The following ZNF48 variants were observed in gnomAD, a reference collection of about 807,000 sequenced individuals.
The protein encoded by ZNF48 is zinc finger protein 553.
A neutral mutation model predicts 40.0 loss-of-function variants in ZNF48; 20 were observed. The ratio of observed to expected loss-of-function variants is 0.50; its 90% CI spans 0.35 to 0.73. The LOEUF (loss-of-function observed/expected upper bound fraction) is 0.73. ZNF48 is among the 30% of genes least tolerant of loss of function. The pLI is 0.01. For missense variants in ZNF48, 726 were observed against 851.9 expected, an observed-to-expected ratio of 0.85 and a Z score of 1.84; for synonymous variants, 298 against 329.7, an observed-to-expected ratio of 0.90 and a Z score of 1.04.
rs141487920 is a variant in ZNF48 at position 30,382,357 on chromosome 16, C to T, written c.-16+3947C>T. 3 of 1,611,632 alleles carry T rather than the reference C, an allele frequency of 1.9e-6. No homozygotes were observed. Among genetic ancestry groups the T allele is most frequent in the South Asian group, 1.1e-5 (1 of 90,782 alleles). The stretch of plus-strand genomic sequence containing the variant: ...TGGGGAGGGCAGCAAAACCCACGTA[C>T]TCCTTGTCCTATGGATGGGGGTGGA... On this transcript the variant is annotated intron_variant, in intron 1 of 2. Coordinates refer to the ZNF48 transcript ENST00000528032. The surrounding 1 kb of genome is among the most constrained non-coding windows in gnomAD (Gnocchi z 4.8).
chr16:30,383,270 G>A (rs1420509884), intron 1 of ZNF48, among the ~76,000 whole-genome samples: 1 of 152,100 alleles, frequency 6.6e-6, no homozygotes, highest in African/African-American at 2.4e-5. Context: ...CTCACTGCAA[G>A]CTCCACCTCC....
chr16:30,395,790 C>A lies in ZNF48; in HGVS notation c.-5C>A. The A allele has an allele frequency of 6.5e-7, 1 of 1,538,764 alleles. No individual in the cohort carries two copies. Among genetic ancestry groups the A allele is most frequent in the Non-Finnish European group, 8.7e-7 (1 of 1,145,444 alleles). On this transcript the variant is annotated 5_prime_UTR_variant, in exon 2 of 3. Transcript: ENST00000613509. The surrounding 1 kb of genome is among the most constrained non-coding windows in gnomAD (Gnocchi z 5.9). ...TGTCCCCTTGCTCAGGGCGGCGTGC[C>A]GGCGATGGAGCGCGCGGTAGAGCCT...
At chr16:30,396,250 T>C (rs1439943460) in intron 2 of ZNF48, among the ~76,000 whole-genome samples, 1 of 152,080 alleles carries the variant, frequency 6.6e-6, no homozygotes, top group Non-Finnish European at 1.5e-5. Context: ...CGTCCCCCAG[T>C]CTCCTAATTA....
At chr16:30,380,214 G>A in intron 1 of ZNF48, 1 of 416,558 alleles carries the variant, frequency 2.4e-6, no homozygotes, top group Non-Finnish European at 4.3e-6. Context: ...AGACATAGAT[G>A]GTGAGAAACA....
intron 1 of ZNF48, chr16:30,378,568 G>C (rs1032914191): frequency 1.9e-6 from 3 of 1,608,486 alleles, no homozygotes; most frequent in Non-Finnish European, 2.5e-6. Context: ...GCCAGAGGGG[G>C]ACCTGGGGCA....
rs1344204522 is a variant in ZNF48 at position 30,380,155 on chromosome 16, CAG to C, written c.-16+1749_-16+1750del. On this transcript the variant is annotated intron_variant, in intron 1 of 2. Coordinates refer to the ZNF48 transcript ENST00000528032. The stretch of plus-strand genomic sequence containing the variant: ...GAGACAGAGAGAAAGACATGAAAGA[CAG>C]AGATGGGGAGAGATGGACATACAGG... 5 of 710,448 alleles carry C rather than the reference CAG, an allele frequency of 7.0e-6. No individual in the cohort carries two copies. In the African/African-American group the frequency reaches 7.3e-5, roughly 10 times the overall value. The allele number at this position is 710,448 out of a possible 1,614,324, so 44.0% of individuals were successfully genotyped here. A position where few individuals can be genotyped will look rare whatever the true frequency, so the allele number is the denominator to read the frequency against.
In ZNF48 at chr16:30,382,242, C is replaced by G. The variant is rs78818037; in HGVS notation, c.-16+3832C>G. Reference sequence around the variant, plus strand: ...ACAGCCAGGGCCTCCTAAGGACATCCCCTCCGCAGTTCCCTCTCCAAAACC... The same window carrying G: ...ACAGCCAGGGCCTCCTAAGGACATCGCCTCCGCAGTTCCCTCTCCAAAACC... On this transcript the variant is annotated intron_variant, in intron 1 of 2. Coordinates refer to the ZNF48 transcript ENST00000528032. This position sits in a 1 kb window ranked among gnomAD's most constrained non-coding sequence, Gnocchi z 4.8. The G allele has an allele frequency of 6.2e-7, 1 of 1,612,808 alleles. No homozygotes were observed.
At chr16:30,379,751 C>T (rs1454148203) in intron 1 of ZNF48, 7 of 564,966 alleles carry the variant, frequency 1.2e-5, no homozygotes, top group South Asian at 2.1e-5. Flanking sequence ...GAATTACAGG[C>T]GCCCACCATC....
chr16:30,393,111 T>C (rs921773467), upstream of ZNF48, among the ~76,000 whole-genome samples: 3 of 152,100 alleles, frequency 2.0e-5, no homozygotes, highest in Admixed American at 6.6e-5. Context: ...AGTCTCGCTC[T>C]TGTCCCCCAG....
At position 30,397,613 on chromosome 16, in the gene ZNF48, C is replaced by T. The variant is rs2049999761; in HGVS notation, c.363C>T (p.Phe121=). 6.2e-7 allele frequency: 1 copy of T among 1,614,012 alleles called. No homozygotes were observed. The highest frequency in any genetic ancestry group is 1.3e-5 in the African/African-American group (1 of 74,938). ...AAVCGECGKS[F]RQMSDLVKHQ... ...TGTGTGGTGAGTGTGGCAAAAGCTT[C>T]AGGCAGATGTCAGATCTGGTGAAAC... is the stretch of plus-strand genomic sequence containing the variant. The change falls in exon 3 of 3, where the codon TTC becomes TTT. Residue 121 remains phenylalanine (F), a synonymous_variant. Transcript: ENST00000613509. The surrounding 1 kb of genome is among the most constrained non-coding windows in gnomAD (Gnocchi z 4.1).
In ZNF48 at chr16:30,382,320, G is replaced by A. The variant is rs755491420; in HGVS notation, c.-16+3910G>A. ...TCAAACCCCTTCTTGACAGACTTGC[G>A]GTGCAGCTGGTTGGGGAGGGCAGCA... is the stretch of plus-strand genomic sequence containing the variant. On this transcript the variant is annotated intron_variant, in intron 1 of 2. Transcript: ENST00000528032. The surrounding 1 kb of genome is among the most constrained non-coding windows in gnomAD (Gnocchi z 4.8). 2 of 1,613,814 alleles carry A rather than the reference G, an allele frequency of 1.2e-6. No individual in the cohort carries two copies. Among genetic ancestry groups the A allele is most frequent in the Non-Finnish European group, 1.7e-6 (2 of 1,179,830 alleles).
Position 30,397,414 on chromosome 16 carries a change from A to AT in ZNF48, c.167dup (p.Leu56PhefsTer6), listed in dbSNP as rs1259927253. On this transcript the variant is annotated frameshift_variant, in exon 3 of 3. Transcript: ENST00000613509. LOFTEE classifies it high-confidence loss of function. The surrounding 1 kb of genome is among the most constrained non-coding windows in gnomAD (Gnocchi z 4.1). ...GATGACTTGGGGTTCAAGGAAGAAG[A>AT]TTTGGCTCCAGATCATGAAGTAGGA... 1 of 1,614,120 alleles carries AT rather than the reference A, an allele frequency of 6.2e-7. No homozygotes were observed. The highest frequency in any genetic ancestry group is 8.5e-7 in the Non-Finnish European group (1 of 1,180,028).
chr16:30,389,290 C>G (rs938223028), intron 1 of ZNF48, among the ~76,000 whole-genome samples: 5 of 151,656 alleles, frequency 3.3e-5, no homozygotes, highest in Non-Finnish European at 7.4e-5. Flanking sequence ...ACTCGGGAGG[C>G]TGAGGCAGGA....
intron 1 of ZNF48, among the ~76,000 whole-genome samples, chr16:30,385,992 T>C (rs2049897896): frequency 6.6e-6 from 1 of 151,734 alleles, no homozygotes; most frequent in Non-Finnish European, 1.5e-5. Context: ...GAGGATAACA[T>C]GTAGGCCAGG....
chr16:30,382,776 A>C lies in ZNF48; in HGVS notation c.-16+4366A>C. 1.3e-6 allele frequency: 2 copies of C among 1,535,892 alleles called. No individual in the cohort carries two copies. Among genetic ancestry groups the C allele is most frequent in the Non-Finnish European group, 1.7e-6 (2 of 1,146,838 alleles). ...TTCACACATCTGGATTCCAAGTCCC[A>C]CTGTAGCTCCATCATCGTGGTGAGA... On this transcript the variant is annotated intron_variant, in intron 1 of 2. Coordinates refer to the ZNF48 transcript ENST00000528032. This position sits in a 1 kb window ranked among gnomAD's most constrained non-coding sequence, Gnocchi z 4.8.
intron 1 of ZNF48, among the ~76,000 whole-genome samples, chr16:30,383,694 A>T (rs1375706339): frequency 6.6e-6 from 1 of 152,100 alleles, no homozygotes; most frequent in African/African-American, 2.4e-5. Context: ...CTCCCCAGTA[A>T]CTCAGAGTCA....
At position 30,382,146 on chromosome 16, in the gene ZNF48, TTGA is replaced by T. The variant is rs754490038; in HGVS notation, c.-16+3740_-16+3742del. On this transcript the variant is annotated intron_variant, in intron 1 of 2. Coordinates refer to the ZNF48 transcript ENST00000528032. This position sits in a 1 kb window ranked among gnomAD's most constrained non-coding sequence, Gnocchi z 4.8. ...ATAGAGGTTGGTGAGGAAGAGGCTG[TTGA>T]TGAGGGTGGATTTCCCTAGGCCTGA... The T allele has an allele frequency of 6.3e-7, 1 of 1,598,032 alleles. No individual in the cohort carries two copies. Among genetic ancestry groups the T allele is most frequent in the South Asian group, 1.1e-5 (1 of 89,252 alleles).
Position 30,379,373 on chromosome 16 carries a change from C to T in ZNF48, c.-16+963C>T, listed in dbSNP as rs554603437. On this transcript the variant is annotated intron_variant, in intron 1 of 2. Transcript: ENST00000528032. ...CCACCCCAACTTCACATGTTGAGTGCGCCTGACCCAGAGGCCCCGGGCTCC... is the reference window on the plus strand; with the variant it reads ...CCACCCCAACTTCACATGTTGAGTGTGCCTGACCCAGAGGCCCCGGGCTCC... 63 of 1,490,540 alleles carry T rather than the reference C, an allele frequency of 4.2e-5. No homozygotes were observed. In the East Asian group the frequency reaches 6.3e-4, roughly 15 times the overall value. The allele number at this position is 1,490,540 out of a possible 1,614,324, so 92.3% of individuals were successfully genotyped here. A position where few individuals can be genotyped will look rare whatever the true frequency, so the allele number is the denominator to read the frequency against.
chr16:30,384,256 C>T (rs529801583), intron 1 of ZNF48, among the ~76,000 whole-genome samples: 3 of 145,946 alleles, frequency 2.1e-5, no homozygotes, highest in Non-Finnish European at 4.5e-5. Flanking sequence ...AGGACCGCTG[C>T]GGTGGCTCAC....
Sources: gnomAD v4.1 joint callset for allele counts (sites outside exome capture counted in the v4.1 genomes callset) on GRCh38, gnomAD v4.1.1 for gene constraint, Gnocchi (gnomAD v3.1) non-coding constraint, MANE v1.5 for transcripts, NCBI Gene and HGNC (gene_info 2026-07-23, HGNC 2026-07-21) for gene names.